SMARCAD1: variants seen among roughly 807,000 people sequenced by gnomAD.
SMARCAD1 encodes the protein SNF2 related chromatin remodeling ATPase with DExD box 1, also known as SWI/SNF-related matrix-associated actin-dependent regulator of chromatin subfamily A containing DEAD/H box 1.
In SMARCAD1, 25 loss-of-function variants were observed where a neutral mutation model predicts 127.1. The observed-to-expected ratio is 0.20, with a 90% confidence interval of 0.14 to 0.27. The LOEUF (loss-of-function observed/expected upper bound fraction) is 0.27. Ranked by LOEUF, SMARCAD1 falls within the 10% of genes least tolerant of loss-of-function variation. The pLI, the probability that SMARCAD1 is intolerant of heterozygous loss-of-function variation, is 1.00. For synonymous variants in SMARCAD1, 400 were observed against 396.9 expected (o/e 1.01, Z -0.09); for missense variants, 807 against 1,206.0 (o/e 0.67, Z 4.90).
rs979491259 is a variant in SMARCAD1 at position 94,290,557 on chromosome 4, C to T, written c.*1023C>T. 2.9e-5 allele frequency: 13 copies of T among 454,236 alleles called. No homozygotes were observed. The highest frequency in any genetic ancestry group is 4.4e-5 in the Non-Finnish European group (10 of 226,728). 28.1% of individuals were successfully genotyped at this position (454,236 alleles called of 1,614,324 possible). A position where few individuals can be genotyped will look rare whatever the true frequency, so the allele number is the denominator to read the frequency against. On this transcript the variant is annotated 3_prime_UTR_variant, in exon 24 of 24. Coordinates refer to ENST00000354268, the MANE Select transcript of SMARCAD1 (RefSeq NM_020159.5). Reference sequence around the variant, plus strand: ...AAACTCTTATCAAAATATATTTTACCAGTTTCCAGAATTTCCAGTACAGGA... The same window carrying T: ...AAACTCTTATCAAAATATATTTTACTAGTTTCCAGAATTTCCAGTACAGGA...
intron 10 of SMARCAD1, 114 bp downstream of exon 10, chr4:94,265,020 CCCCA>C: frequency 1.9e-6 from 2 of 1,027,944 alleles, no homozygotes; most frequent in Non-Finnish European, 2.9e-6. Context: ...AGGAGAGAAC[CCCCA>C]GGTTTTCTGT....
rs1306010332 is a variant in SMARCAD1 at position 94,278,700 on chromosome 4, T to C, written c.2263T>C (p.Phe755Leu). The change falls in exon 18 of 24, where the codon TTC becomes CTC. Residue 755 changes from phenylalanine (F) to leucine (L), a missense_variant. Physicochemically the swap from Phe to Leu is conservative, Grantham distance 22. Transcript: ENST00000354268. ...EKQEQLYLGL[F>L]NRLKKSINNL... ...GCAGGAGCAACTCTATTTGGGTCTT[T>C]TCAACAGATTGAAAAAATCTATCAA... 4.3e-6 allele frequency: 7 copies of C among 1,613,956 alleles called. No homozygotes were observed. Among genetic ancestry groups the C allele is most frequent in the Non-Finnish European group, 5.9e-6 (7 of 1,180,004 alleles).
chr4:94,238,371 A>G (rs2125874568), intron 5 of SMARCAD1, among the ~76,000 whole-genome samples: 2 of 152,178 alleles, frequency 1.3e-5, no homozygotes, highest in South Asian at 4.2e-4. Context: ...GCCAAACTCA[A>G]AGGTCGTTGT....
At chr4:94,286,547 T>G (rs1475544371) in intron 23 of SMARCAD1, among the ~76,000 whole-genome samples, 1 of 152,176 alleles carries the variant, frequency 6.6e-6, no homozygotes, top group Non-Finnish European at 1.5e-5. Flanking sequence ...GTTTCCATTC[T>G]TTCATCGTTT....
At chr4:94,229,565 C>T (rs1174224106) in intron 3 of SMARCAD1, among the ~76,000 whole-genome samples, 1 of 152,108 alleles carries the variant, frequency 6.6e-6, no homozygotes, top group Non-Finnish European at 1.5e-5. Context: ...TCCCAGACTT[C>T]TACTTCTCCT....
At chr4:94,222,154 G>C (rs1431158085) in intron 2 of SMARCAD1, among the ~76,000 whole-genome samples, 1 of 152,168 alleles carries the variant, frequency 6.6e-6, no homozygotes, top group African/African-American at 2.4e-5. Context: ...AAGAAGAGAT[G>C]AGTCAGCTAC....
chr4:94,230,331 A>ATGC (rs1399596090), intron 3 of SMARCAD1, among the ~76,000 whole-genome samples: 1 of 151,462 alleles, frequency 6.6e-6, no homozygotes, highest in East Asian at 1.9e-4. Flanking sequence ...ACATGTGTGT[A>ATGC]TATTCATTTG....
intron 2 of SMARCAD1, among the ~76,000 whole-genome samples, chr4:94,218,291 A>AT (rs111702430): frequency 0.011 from 1,596 of 147,744 alleles, 22 homozygotes; most frequent in African/African-American, 0.036. Flanking sequence ...GTTTTATTTT[A>AT]TTTTTTTTTT....
intron 2 of SMARCAD1, among the ~76,000 whole-genome samples, chr4:94,220,535 A>G (rs1743953007): frequency 4.6e-5 from 7 of 152,224 alleles, no homozygotes; most frequent in Admixed American, 4.6e-4. Context: ...GGCATGAGCC[A>G]CCGTGTCCAG....
chr4:94,256,622 C>T (rs954428062), intron 9 of SMARCAD1, among the ~76,000 whole-genome samples: 1 of 152,176 alleles, frequency 6.6e-6, no homozygotes, highest in East Asian at 1.9e-4. Context: ...TGCGGCCTCT[C>T]CAAGTGCCGG....
At chr4:94,238,662 G>C (rs1204496281) in intron 5 of SMARCAD1, among the ~76,000 whole-genome samples, 1 of 152,080 alleles carries the variant, frequency 6.6e-6, no homozygotes, top group East Asian at 1.9e-4. Flanking sequence ...AAAATGATAC[G>C]CTCAGTGAAC....
chr4:94,278,435 A>T lies in SMARCAD1; in HGVS notation c.2096A>T (p.Glu699Val), dbSNP rs1414469031. 6.2e-7 allele frequency: 1 copy of T among 1,613,602 alleles called. No individual in the cohort carries two copies. The highest frequency in any genetic ancestry group is 1.7e-5 in the Admixed American group (1 of 60,028). Residue 699 changes from glutamate (E) to valine (V), a missense_variant, in exon 17 of 24, where the codon GAG (glutamate) becomes GTG (valine). By Grantham distance (121) the Glu-to-Val change is moderately radical. Around this residue, in one of 8 missense-constraint regions of SMARCAD1, gnomAD observed 148 missense variants for 313.2 expected, o/e 0.47. Coordinates refer to ENST00000354268, the MANE Select transcript of SMARCAD1 (RefSeq NM_020159.5). ...TATTTTGCTCAGAAATCAGCAGATG[A>T]GCAAAGCATATATGAAAAGGAGAGA... ...MFSSKTKSADEQSIYEKERIA... is the reference protein window; with the variant it reads ...MFSSKTKSADVQSIYEKERIA...
intron 3 of SMARCAD1, among the ~76,000 whole-genome samples, chr4:94,228,619 A>G (rs1025211105): frequency 6.6e-6 from 1 of 151,994 alleles, no homozygotes; most frequent in African/African-American, 2.4e-5. Context: ...TCCTTCACCA[A>G]GAATATCTTG....
chr4:94,273,853 T>TAAAGAGACC (rs1752887222), intron 12 of SMARCAD1, 137 bp downstream of exon 12: 4 of 691,784 alleles, frequency 5.8e-6, no homozygotes, highest in Non-Finnish European at 1.0e-5. Flanking sequence ...TTATGGTCTC[T>TAAAGAGACC]TTATACTTTT....
rs764475350 is a variant in SMARCAD1 at position 94,252,710 on chromosome 4, A to G, written c.984A>G (p.Leu328=). 7.5e-6 allele frequency: 12 copies of G among 1,594,298 alleles called. No individual in the cohort carries two copies. In the African/African-American group the frequency reaches 9.5e-5, roughly 13 times the overall value. ...CTAAAAATGCAACTAAAACAAAACT[A>G]AAACAGAAATTTTCAATGAAAGCAC... is the stretch of plus-strand genomic sequence containing the variant. ...NYPKNATKTK[L]KQKFSMKAQN... The change falls in exon 9 of 24, where the codon CTA becomes CTG. Residue 328 remains leucine, a synonymous_variant. Transcript: ENST00000354268.
At position 94,207,940 on chromosome 4, in the gene SMARCAD1, G is replaced by T. The variant is rs1393757730; in HGVS notation, c.-180G>T. ...TCTTTGGCCCCTTTGTGTCCCCGCA[G>T]TGTCGAGGCGCGGGCCCTGGCAGGT... is the stretch of plus-strand genomic sequence containing the variant. On this transcript the variant is annotated 5_prime_UTR_variant, in exon 1 of 24. Transcript: ENST00000354268. 38 of 355,066 alleles carry T rather than the reference G, an allele frequency of 1.1e-4. 1 individual carries two copies. The highest frequency in any genetic ancestry group is 2.2e-5 in the Non-Finnish European group (4 of 180,300). The allele number at this position is 355,066 out of a possible 1,614,324, so 22.0% of individuals were successfully genotyped here.
At chr4:94,215,684 T>G (rs1407999557) in intron 2 of SMARCAD1, among the ~76,000 whole-genome samples, 1 of 152,158 alleles carries the variant, frequency 6.6e-6, no homozygotes, top group Non-Finnish European at 1.5e-5. Flanking sequence ...CACTTCACCC[T>G]ACACACAAAT....
At chr4:94,234,742 A>G (rs1393610296) in intron 4 of SMARCAD1, among the ~76,000 whole-genome samples, 1 of 152,146 alleles carries the variant, frequency 6.6e-6, no homozygotes, top group African/African-American at 2.4e-5. Flanking sequence ...TATTAGTTGA[A>G]TTATCTTAGG....
At chr4:94,271,589 T>C (rs185632075) in intron 11 of SMARCAD1, among the ~76,000 whole-genome samples, 118 of 152,366 alleles carry the variant, frequency 7.7e-4, no homozygotes, top group Non-Finnish European at 1.2e-3. Context: ...TCTTTAGCAT[T>C]GTAAGATATT....
Sources: allele counts gnomAD v4.1 joint callset (sites outside exome capture counted in the v4.1 genomes callset), GRCh38; gene constraint gnomAD v4.1.1; regional missense constraint gnomAD v4.1.1; transcripts MANE v1.5; gene names NCBI Gene and HGNC (gene_info 2026-07-23, HGNC 2026-07-21).